The following TLE4 variants were observed in gnomAD, a reference collection of about 807,000 sequenced individuals.
The protein encoded by TLE4 is transducin-like enhancer protein 4.
TLE4 carries 8 observed loss-of-function variants against 92.8 expected under a neutral mutation model. The observed-to-expected ratio is 0.09, with a 90% CI of 0.05 to 0.16. The LOEUF (loss-of-function observed/expected upper bound fraction) is 0.16. TLE4 is among the 10% of genes least tolerant of loss of function. The pLI is 1.00. For missense variants in TLE4, 675 were observed against 997.6 expected, an observed-to-expected ratio of 0.68 and a Z score of 4.36; for synonymous variants, 371 against 374.1, an observed-to-expected ratio of 0.99 and a Z score of 0.10.
chr9:79,689,443 A>G (rs1047381169), intron 8 of TLE4, among the ~76,000 whole-genome samples: 8 of 152,054 alleles, frequency 5.3e-5, no homozygotes, highest in African/African-American at 1.9e-4. Context: ...CAGTTTGCTT[A>G]ATACCTGAGG....
chr9:79,653,771 G>A (rs1229838304), intron 7 of TLE4, among the ~76,000 whole-genome samples: 1 of 152,200 alleles, frequency 6.6e-6, no homozygotes, highest in Non-Finnish European at 1.5e-5. Context: ...ATGGTACAGA[G>A]TTGATGCATG....
chr9:79,686,268 A>G (rs1429094747), intron 8 of TLE4, among the ~76,000 whole-genome samples: 1 of 152,206 alleles, frequency 6.6e-6, no homozygotes, highest in Non-Finnish European at 1.5e-5. Context: ...GAAAGTTTAT[A>G]TATCAGTCAT....
At chr9:79,593,797 C>T (rs1273779753) in intron 4 of TLE4, among the ~76,000 whole-genome samples, 3 of 152,098 alleles carry the variant, frequency 2.0e-5, no homozygotes, top group Non-Finnish European at 4.4e-5. Context: ...AAGGGTGATA[C>T]ATAAAATACA....
At chr9:79,683,847 C>G (rs974114169) in intron 8 of TLE4, among the ~76,000 whole-genome samples, 2 of 152,116 alleles carry the variant, frequency 1.3e-5, no homozygotes, top group African/African-American at 4.8e-5. Flanking sequence ...ATAATACTAT[C>G]CAAATAAAGT....
rs1301725135 is a variant in TLE4, at chr9:79,718,771, T to C, written c.1390T>C (p.Phe464Leu). 1 of 1,614,170 alleles carries C rather than the reference T, an allele frequency of 6.2e-7. No individual in the cohort carries two copies. The highest frequency in any genetic ancestry group is 8.5e-7 in the Non-Finnish European group (1 of 1,180,034). Residue 464 changes from phenylalanine (F) to leucine (L), a missense_variant, in exon 15 of 20, where the codon TTT becomes CTT. Around this residue, in one of 5 missense-constraint regions of TLE4, gnomAD observed 119 missense variants for 175.9 expected, o/e 0.68. Coordinates refer to ENST00000376552, the MANE Select transcript of TLE4 (RefSeq NM_007005.6). ...AGATGGTCAGATGCAGCCTGTCCCT[T>C]TTCCACCCGACGCCCTCATCGGACC... is the stretch of plus-strand genomic sequence containing the variant. ...SADGQMQPVP[F>L]PPDALIGPGI...
rs1020828491 is a variant in TLE4 at position 79,607,310 on chromosome 9, C to A, written c.253-5346C>A. On this transcript the variant is annotated intron_variant, in intron 4 of 19. Transcript: ENST00000376552. ...TGGGTAGATTGCAAAAATTTTCTCC[C>A]ATTCTGTAGGTTGCCTGTTCACTCT... Among the ~76,000 whole-genome samples the A allele has an allele frequency of 2.5e-4, 38 of 152,216 alleles. 1 individual carries two copies. The highest frequency in any genetic ancestry group is 8.7e-4 in the African/African-American group (36 of 41,536).
chr9:79,646,404 C>T (rs1028976305), intron 6 of TLE4, among the ~76,000 whole-genome samples: 1 of 152,126 alleles, frequency 6.6e-6, no homozygotes, highest in Admixed American at 6.6e-5. Flanking sequence ...TCCAGAGAAA[C>T]CTTACTCCTT....
chr9:79,572,576 G>A lies in TLE4; in HGVS notation c.-215G>A, dbSNP rs1462678076. 1 of 199,620 alleles carries A rather than the reference G, an allele frequency of 5.0e-6. No individual in the cohort carries two copies. Among genetic ancestry groups the A allele is most frequent in the Middle Eastern group, 1.9e-3 (1 of 534 alleles). 12.4% of individuals were successfully genotyped at this position (199,620 alleles called of 1,614,324 possible). On this transcript the variant is annotated 5_prime_UTR_variant, in exon 1 of 20. Transcript: ENST00000376552. ...TGCCCGCGGCGGGCCAGTGACGCCC[G>A]CGGGGAATGCGGAGCGGCCCGGCAG...
chr9:79,646,007 A>G (rs1013974256), intron 6 of TLE4, among the ~76,000 whole-genome samples: 17 of 151,984 alleles, frequency 1.1e-4, no homozygotes, highest in Admixed American at 7.9e-4. Context: ...GTTTATTTTA[A>G]TACTCTAGTC....
rs144401961 is a variant in TLE4 at position 79,706,696 on chromosome 9, G to T, written c.784-51G>T. On this transcript the variant is annotated intron_variant, in intron 10 of 19. Transcript: ENST00000376552. ...GAAATGTCCACACCCAACAACCCCA[G>T]CATTATAAATGTGCTGTGCTTGCAT... is the stretch of plus-strand genomic sequence containing the variant. The T allele has an allele frequency of 3.8e-6, 6 of 1,575,588 alleles. No homozygotes were observed. In the East Asian group the frequency reaches 1.3e-4, roughly 35 times the overall value.
chr9:79,639,109 G>A (rs771929375), intron 6 of TLE4, among the ~76,000 whole-genome samples: 45 of 152,114 alleles, frequency 3.0e-4, no homozygotes, highest in African/African-American at 1.0e-3. Context: ...GAAGGCATGA[G>A]GTAATGTGTG....
intron 8 of TLE4, among the ~76,000 whole-genome samples, chr9:79,685,563 T>C (rs1206668248): frequency 2.6e-5 from 4 of 152,180 alleles, no homozygotes; most frequent in African/African-American, 9.7e-5. Context: ...GTGAATTATA[T>C]AATTTAACAG....
intron 5 of TLE4, among the ~76,000 whole-genome samples, chr9:79,619,741 A>T (rs1036188003): frequency 2.6e-5 from 4 of 152,350 alleles, no homozygotes; most frequent in African/African-American, 9.6e-5. Flanking sequence ...ACAGTGCCAT[A>T]TATCGGAAGA....
chr9:79,579,448 A>G (rs2038988385), intron 4 of TLE4, among the ~76,000 whole-genome samples: 1 of 152,250 alleles, frequency 6.6e-6, no homozygotes, highest in African/African-American at 2.4e-5. Flanking sequence ...TTCAACCTAT[A>G]GGAACTATAT....
chr9:79,626,732 A>G (rs902730648), intron 5 of TLE4, among the ~76,000 whole-genome samples: 7 of 152,160 alleles, frequency 4.6e-5, no homozygotes, highest in African/African-American at 1.7e-4. Flanking sequence ...TAAGAAAAAA[A>G]ATTATCGTAC....
chr9:79,680,658 A>T (rs992478340), intron 8 of TLE4, among the ~76,000 whole-genome samples: 1 of 152,152 alleles, frequency 6.6e-6, no homozygotes, highest in African/African-American at 2.4e-5. Context: ...AACTTCCAAC[A>T]CTATGTTGAC....
In TLE4 at chr9:79,631,187, G is replaced by A. The variant is rs557814022; in HGVS notation, c.390+3739G>A. The stretch of plus-strand genomic sequence containing the variant: ...TGTGAAGGCAATAACAAGCCTTGGT[G>A]GTTTTTCACACTCTCTGTGTTAAGT... On this transcript the variant is annotated intron_variant, in intron 6 of 19. Coordinates refer to ENST00000376552, the MANE Select transcript of TLE4 (RefSeq NM_007005.6). 2.6e-5 allele frequency among the ~76,000 whole-genome samples: 4 copies of A among 152,254 alleles called. No individual in the cohort carries two copies. The East Asian group carries it at 7.7e-4, about 29-fold the overall frequency.
Position 79,722,434 on chromosome 9 carries a change from AC to A in TLE4, c.1987-15del. 6.2e-7 allele frequency: 1 copy of A among 1,613,580 alleles called. No homozygotes were observed. The highest frequency in any genetic ancestry group is 8.5e-7 in the Non-Finnish European group (1 of 1,179,692). On this transcript the variant is annotated splice_polypyrimidine_tract_variant and intron_variant, in intron 17 of 19. Transcript: ENST00000376552. Reference sequence around the variant, plus strand: ...GTCCACTGTGGCCACTGTCACCATCACCTGTTTTAATTCTAGATCTTTTCTC... The same window carrying A: ...GTCCACTGTGGCCACTGTCACCATCACTGTTTTAATTCTAGATCTTTTCTC...
chr9:79,633,386 A>G (rs557160389), intron 6 of TLE4, among the ~76,000 whole-genome samples: 13 of 152,154 alleles, frequency 8.5e-5, no homozygotes, highest in East Asian at 5.8e-4. Flanking sequence ...CAATGCTACA[A>G]TTTTTCTTTC....
Sources: gnomAD v4.1 joint callset for allele counts (sites outside exome capture counted in the v4.1 genomes callset) on GRCh38, gnomAD v4.1.1 for gene constraint, gnomAD v4.1.1 regional missense constraint, MANE v1.5 for transcripts, NCBI Gene and HGNC (gene_info 2026-07-23, HGNC 2026-07-21) for gene names.